Variants in PXDNL observed in about 807,000 individuals in gnomAD.
PXDNL encodes the protein peroxidasin like, also known as probable oxidoreductase PXDNL.
A neutral mutation model predicts 150.8 loss-of-function variants in PXDNL; 145 were observed. That is an observed-to-expected ratio of 0.96 (90% CI 0.84 to 1.10). The LOEUF (loss-of-function observed/expected upper bound fraction) is 1.10. Among genes scored for constraint, PXDNL ranks in the 50% least tolerant of loss-of-function variants. The pLI, the probability that PXDNL is intolerant of heterozygous loss-of-function variation, is 0.00. For synonymous variants in PXDNL, 757 were observed against 725.7 expected (o/e 1.04, Z -0.69); for missense variants, 2,087 against 1,873.9 (o/e 1.11, Z -2.10).
At position 51,658,572 on chromosome 8, in the gene PXDNL, A is replaced by T. The variant is rs545591914; in HGVS notation, c.165-3812T>A. On this transcript the variant is annotated intron_variant, in intron 1 of 22. Transcript: ENST00000356297. ...TTCTAGGAAAACATACCCCTTCCTA[A>T]TTTGAATCCCAGGTCTTTAGGATTG... is the stretch of plus-strand genomic sequence containing the variant. Among the ~76,000 whole-genome samples the T allele has an allele frequency of 2.0e-5, 3 of 152,244 alleles. No individual in the cohort carries two copies. The East Asian group carries it at 5.8e-4, about 29-fold the overall frequency.
At chr8:51,706,478 G>T (rs573616239) in intron 1 of PXDNL, among the ~76,000 whole-genome samples, 5 of 152,194 alleles carry the variant, frequency 3.3e-5, no homozygotes, top group Non-Finnish European at 7.3e-5. Context: ...ATCAGAAAAG[G>T]CTTCCACAGT....
chr8:51,793,761 C>T (rs2037535947), intron 1 of PXDNL, among the ~76,000 whole-genome samples: 1 of 151,890 alleles, frequency 6.6e-6, no homozygotes, highest in African/African-American at 2.4e-5. Context: ...TGGTGACTGA[C>T]ACATGTCTGT....
intron 9 of PXDNL, among the ~76,000 whole-genome samples, chr8:51,456,916 T>C (rs1442334447): frequency 6.6e-6 from 1 of 152,242 alleles, no homozygotes; most frequent in Non-Finnish European, 1.5e-5. Context: ...TAAAACTTAT[T>C]TCTTGAATTA....
chr8:51,660,613 A>G (rs1191542889), intron 1 of PXDNL, among the ~76,000 whole-genome samples: 3 of 152,176 alleles, frequency 2.0e-5, no homozygotes, highest in African/African-American at 7.2e-5. Flanking sequence ...GAAAAAGATC[A>G]ACCAGATCTG....
intron 21 of PXDNL, among the ~76,000 whole-genome samples, chr8:51,321,866 T>C (rs1805326853): frequency 6.6e-6 from 1 of 152,216 alleles, no homozygotes; most frequent in South Asian, 2.1e-4. Flanking sequence ...GGATGCCTGA[T>C]ATTATGGACT....
intron 13 of PXDNL, among the ~76,000 whole-genome samples, chr8:51,424,591 TTATTAAAG>T (rs1809043469): frequency 1.3e-5 from 2 of 152,078 alleles, no homozygotes; most frequent in African/African-American, 4.8e-5. Flanking sequence ...ATATGAGCTA[TTATTAAAG>T]TGCATTTACT....
At chr8:51,513,078 A>G (rs1168604659) in intron 4 of PXDNL, among the ~76,000 whole-genome samples, 2 of 152,236 alleles carry the variant, frequency 1.3e-5, no homozygotes, top group Non-Finnish European at 1.5e-5. Context: ...TCAATTGTAC[A>G]TAACCATCAG....
At chr8:51,326,616 A>G (rs1805500738) in intron 21 of PXDNL, among the ~76,000 whole-genome samples, 1 of 152,196 alleles carries the variant, frequency 6.6e-6, no homozygotes, top group Admixed American at 6.5e-5. Flanking sequence ...ATTTATTCAA[A>G]CTATTGCAGT....
chr8:51,598,089 G>C (rs1441909235), intron 2 of PXDNL, among the ~76,000 whole-genome samples: 1 of 152,080 alleles, frequency 6.6e-6, no homozygotes. Context: ...CTTTTTGTAT[G>C]TTTATTTTGT....
At chr8:51,484,164 T>G (rs1240547518) in intron 5 of PXDNL, among the ~76,000 whole-genome samples, 2 of 151,766 alleles carry the variant, frequency 1.3e-5, no homozygotes, top group Non-Finnish European at 2.9e-5. Flanking sequence ...AATACAGGCG[T>G]GGTGGCTCAC....
At chr8:51,632,105 C>T (rs2130757260) in intron 2 of PXDNL, among the ~76,000 whole-genome samples, 1 of 151,404 alleles carries the variant, frequency 6.6e-6, no homozygotes, top group South Asian at 2.1e-4. Flanking sequence ...GCTATGACTC[C>T]AAAACAACAA....
At chr8:51,504,837 A>C (rs1266914485) in intron 4 of PXDNL, among the ~76,000 whole-genome samples, 1 of 152,362 alleles carries the variant, frequency 6.6e-6, no homozygotes, top group Non-Finnish European at 1.5e-5. Flanking sequence ...TGAACTTTTC[A>C]TATGTTCTAT....
At chr8:51,363,501 G>T (rs113370808) in intron 19 of PXDNL, among the ~76,000 whole-genome samples, 4,951 of 152,178 alleles carry the variant, frequency 0.033, 255 homozygotes, top group African/African-American at 0.11. Flanking sequence ...TGAGCAAGCA[G>T]GGGGTACATG....
At chr8:51,617,574 A>G (rs767113772) in intron 2 of PXDNL, among the ~76,000 whole-genome samples, 4 of 152,234 alleles carry the variant, frequency 2.6e-5, no homozygotes, top group Admixed American at 6.5e-5. Flanking sequence ...TCGAACAGAT[A>G]ATGACTTCAG....
At chr8:51,472,326 T>C (rs760364654) in intron 7 of PXDNL, 22 bp from the exon 8 acceptor site, 25 of 1,573,634 alleles carry the variant, frequency 1.6e-5, no homozygotes, top group East Asian at 2.2e-5. Context: ...GAATTATTGA[T>C]GTATTTTTCA....
intron 21 of PXDNL, among the ~76,000 whole-genome samples, chr8:51,328,560 T>A (rs1424305627): frequency 1.3e-5 from 2 of 152,152 alleles, no homozygotes; most frequent in African/African-American, 4.8e-5. Context: ...ACACATAAAA[T>A]TAACTATCAC....
chr8:51,518,368 T>C (rs1005658746), intron 4 of PXDNL, among the ~76,000 whole-genome samples: 1 of 152,142 alleles, frequency 6.6e-6, no homozygotes, highest in Non-Finnish European at 1.5e-5. Context: ...TCTATGCACA[T>C]CAAACCTATG....
At chr8:51,454,789 A>G (rs1809889141) in intron 9 of PXDNL, among the ~76,000 whole-genome samples, 1 of 152,218 alleles carries the variant, frequency 6.6e-6, no homozygotes, top group Non-Finnish European at 1.5e-5. Flanking sequence ...TGGATGTTGG[A>G]AAGATACAGA....
intron 1 of PXDNL, among the ~76,000 whole-genome samples, chr8:51,775,337 T>C (rs1343160818): frequency 6.6e-6 from 1 of 152,182 alleles, no homozygotes; most frequent in African/African-American, 2.4e-5. Context: ...TATCATGAAA[T>C]TAATCAAAAA....
Sources: allele counts gnomAD v4.1 joint callset (sites outside exome capture counted in the v4.1 genomes callset), GRCh38; gene constraint gnomAD v4.1.1; transcripts MANE v1.5; gene names NCBI Gene and HGNC (gene_info 2026-07-23, HGNC 2026-07-21).